Variants in FTO observed in about 807,000 individuals in gnomAD.
The protein encoded by FTO is alpha-ketoglutarate-dependent dioxygenase FTO.
FTO carries 47 observed loss-of-function variants against 63.9 expected under a neutral mutation model. The ratio of observed to expected loss-of-function variants is 0.74; its 90% CI spans 0.58 to 0.94. The LOEUF is 0.94. FTO is among the 40% of genes least tolerant of loss of function. The pLI, the probability that FTO is intolerant of heterozygous loss-of-function variation, is 0.00. For missense variants in FTO, 562 were observed against 618.1 expected, an observed-to-expected ratio of 0.91 and a Z score of 0.96; for synonymous variants, 207 against 224.4, an observed-to-expected ratio of 0.92 and a Z score of 0.69.
chr16:53,855,878 G>A (rs1342761834), intron 4 of FTO, among the ~76,000 whole-genome samples: 1 of 152,130 alleles, frequency 6.6e-6, no homozygotes, highest in Non-Finnish European at 1.5e-5. Context: ...TAAAAATAAT[G>A]TGTTGGTTTC....
At chr16:53,785,230 T>G (rs2077704053) in intron 1 of FTO, among the ~76,000 whole-genome samples, 1 of 152,138 alleles carries the variant, frequency 6.6e-6, no homozygotes, top group Non-Finnish European at 1.5e-5. Context: ...AGAGTGCCAG[T>G]GCATATGAAG....
intron 8 of FTO, among the ~76,000 whole-genome samples, chr16:54,016,204 T>C (rs1480751748): frequency 6.6e-6 from 1 of 151,286 alleles, no homozygotes; most frequent in Non-Finnish European, 1.5e-5. Context: ...AATCCCCTCC[T>C]CTTCACCATT....
chr16:53,878,514 A>C (rs1187758427), intron 5 of FTO, among the ~76,000 whole-genome samples: 1 of 152,180 alleles, frequency 6.6e-6, no homozygotes, highest in Non-Finnish European at 1.5e-5. Flanking sequence ...TTGATGTCGC[A>C]TTGTATAAAA....
At chr16:53,952,025 A>G (rs1406228537) in intron 8 of FTO, among the ~76,000 whole-genome samples, 1 of 152,202 alleles carries the variant, frequency 6.6e-6, no homozygotes, top group Non-Finnish European at 1.5e-5. Context: ...TCATCATAAT[A>G]ATAGCAGCTA....
intron 1 of FTO, among the ~76,000 whole-genome samples, chr16:53,776,178 G>T (rs1015114018): frequency 2.0e-5 from 3 of 152,206 alleles, no homozygotes; most frequent in Non-Finnish European, 4.4e-5. Context: ...AAACCCTGGA[G>T]TTGAGCTCCT....
intron 8 of FTO, among the ~76,000 whole-genome samples, chr16:54,061,032 C>G (rs2085557142): frequency 6.6e-6 from 1 of 152,188 alleles, no homozygotes; most frequent in Non-Finnish European, 1.5e-5. Context: ...CTCTGCTAAA[C>G]AGACTCCCAC....
At chr16:53,829,153 G>A (rs985699170) in intron 3 of FTO, among the ~76,000 whole-genome samples, 3 of 152,188 alleles carry the variant, frequency 2.0e-5, no homozygotes, top group Non-Finnish European at 4.4e-5. Flanking sequence ...GTCTCCCAAA[G>A]TGCTGAGATT....
chr16:54,077,870 G>C (rs916682108), intron 8 of FTO, among the ~76,000 whole-genome samples: 15 of 151,992 alleles, frequency 9.9e-5, no homozygotes, highest in Admixed American at 2.6e-4. Flanking sequence ...ACTCAGAAGG[G>C]GTCAGGAACC....
Position 54,116,968 on chromosome 16 carries a change from C to G in FTO, c.*5053C>G, listed in dbSNP as rs2086978702. On this transcript the variant is annotated 3_prime_UTR_variant, in exon 9 of 9. Coordinates refer to ENST00000471389, the MANE Select transcript of FTO (RefSeq NM_001080432.3). ...CAGTCCTAATTCCCACCTCTCAGAACCTTGTCAGCCAAGTTCTTCCTGCTC... is the reference window on the plus strand; with the variant it reads ...CAGTCCTAATTCCCACCTCTCAGAAGCTTGTCAGCCAAGTTCTTCCTGCTC... The G allele has an allele frequency of 1.3e-5, 2 of 152,346 alleles. No homozygotes were observed. The highest frequency in any genetic ancestry group is 2.9e-5 in the Non-Finnish European group (2 of 68,214). The allele number at this position is 152,346 out of a possible 1,614,324, so 9.4% of individuals were successfully genotyped here.
intron 1 of FTO, among the ~76,000 whole-genome samples, chr16:53,704,905 GC>G: frequency 6.6e-6 from 1 of 152,290 alleles, no homozygotes; most frequent in East Asian, 1.9e-4. Context: ...ATAAATAACA[GC>G]CCAGCTTCAC....
At chr16:53,722,143 A>G (rs1013690520) in intron 1 of FTO, among the ~76,000 whole-genome samples, 13 of 152,084 alleles carry the variant, frequency 8.5e-5, no homozygotes, top group African/African-American at 2.9e-4. Flanking sequence ...TACCGACTTT[A>G]TTTCCTGTGT....
chr16:53,860,172 T>A (rs150860505), intron 4 of FTO, among the ~76,000 whole-genome samples: 8 of 152,326 alleles, frequency 5.3e-5, no homozygotes, highest in South Asian at 2.1e-4. Flanking sequence ...AATCGTGTCA[T>A]GTGTGACAGT....
In FTO at chr16:53,772,105, A is replaced by G. The variant is rs7190757; in HGVS notation, c.46-38035A>G. ...TTTTTGAAGGGGAAAATTGTGTGGT[A>G]TGTTAACGATATCTCAATAAAGCTG... On this transcript the variant is annotated intron_variant, in intron 1 of 8. Transcript: ENST00000471389. 1.7e-3 allele frequency among the ~76,000 whole-genome samples: 256 copies of G among 152,190 alleles called. 1 individual carries two copies. Among genetic ancestry groups the G allele is most frequent in the African/African-American group, 5.8e-3 (242 of 41,536 alleles).
rs374314227 is a variant in FTO at position 53,960,036 on chromosome 16, C to G, written c.1364+25927C>G. 1.4e-4 allele frequency among the ~76,000 whole-genome samples: 22 copies of G among 152,188 alleles called. No individual in the cohort carries two copies. In the East Asian group the frequency reaches 2.9e-3, roughly 20 times the overall value. ...TTGAAAATGAGGAGTCAACAGTATT[C>G]AAGACTGGACTTGGGGATTTTTGAA... On this transcript the variant is annotated intron_variant, in intron 8 of 8. Transcript: ENST00000471389.
intron 8 of FTO, among the ~76,000 whole-genome samples, chr16:53,974,615 A>C (rs762391311): frequency 6.6e-6 from 1 of 151,730 alleles, no homozygotes; most frequent in African/African-American, 2.4e-5. Flanking sequence ...ATAGCATATA[A>C]CGAAATGAAC....
At chr16:53,735,996 A>T (rs2076383073) in intron 1 of FTO, among the ~76,000 whole-genome samples, 2 of 152,108 alleles carry the variant, frequency 1.3e-5, no homozygotes, top group African/African-American at 4.8e-5. Flanking sequence ...CACTGTGTAG[A>T]TGCCATAATA....
chr16:53,972,962 A>C (rs2083361997), intron 8 of FTO, among the ~76,000 whole-genome samples: 1 of 152,204 alleles, frequency 6.6e-6, no homozygotes, highest in Non-Finnish European at 1.5e-5. Flanking sequence ...AACATGCCTT[A>C]TTTCTGTTTT....
chr16:53,859,240 A>G (rs2080099596), intron 4 of FTO, among the ~76,000 whole-genome samples: 2 of 152,282 alleles, frequency 1.3e-5, no homozygotes, highest in Middle Eastern at 3.4e-3. Context: ...ATGAAACAGA[A>G]GAAGCCACTT....
At chr16:53,748,694 G>A (rs1367363409) in intron 1 of FTO, among the ~76,000 whole-genome samples, 1 of 152,104 alleles carries the variant, frequency 6.6e-6, no homozygotes, top group Non-Finnish European at 1.5e-5. Context: ...GACGTCAGGT[G>A]ATCCACCCAC....
Sources: allele counts gnomAD v4.1 joint callset (sites outside exome capture counted in the v4.1 genomes callset), GRCh38; gene constraint gnomAD v4.1.1; transcripts MANE v1.5; gene names NCBI Gene and HGNC (gene_info 2026-07-23, HGNC 2026-07-21).